The following GLIS1 variants were observed in gnomAD, a reference collection of about 807,000 sequenced individuals.
The protein encoded by GLIS1 is GLIS family zinc finger 1, also known as zinc finger protein GLIS1.
Under a neutral mutation model 63.8 loss-of-function variants are expected in GLIS1, and 24 were observed. The ratio of observed to expected loss-of-function variants is 0.38; its 90% CI spans 0.27 to 0.53. The LOEUF (loss-of-function observed/expected upper bound fraction) is 0.53, where lower values mean the gene tolerates loss of function less well. GLIS1 is among the 20% of genes least tolerant of loss of function. The pLI is 0.85. For synonymous variants in GLIS1, 450 were observed against 482.5 expected, an observed-to-expected ratio of 0.93 and a Z score of 0.88; for missense variants, 1,036 against 1,074.1, an observed-to-expected ratio of 0.96 and a Z score of 0.50.
At chr1:53,579,061 C>CAA (rs55929702) in intron 4 of GLIS1, among the ~76,000 whole-genome samples, 121 of 129,428 alleles carry the variant, frequency 9.3e-4, no homozygotes, top group South Asian at 2.0e-3. Context: ...ATTTAAAATC[C>CAA]AAAAAAAAAA....
intron 2 of GLIS1, among the ~76,000 whole-genome samples, chr1:53,709,113 T>C (rs955429554): frequency 1.3e-5 from 2 of 151,972 alleles, no homozygotes; most frequent in African/African-American, 2.4e-5. Flanking sequence ...TTATTGAGTA[T>C]ATGGATTTGT....
At position 53,514,760 on chromosome 1, in the gene GLIS1, G is replaced by C. The variant is rs371229253; in HGVS notation, c.1748C>G (p.Thr583Ser). 53 of 1,602,878 alleles carry C rather than the reference G, an allele frequency of 3.3e-5. No individual in the cohort carries two copies. Among genetic ancestry groups the C allele is most frequent in the Non-Finnish European group, 4.2e-5 (49 of 1,174,716 alleles). ...LLPGVYPGSI[T>S]PHNGLASGLL... ...GCCCGATGCAAGTCCGTTATGGGGG[G>C]TGATGGAGCCAGGATACACACCTGC... is the stretch of plus-strand genomic sequence containing the variant. The change falls in exon 8 of 11, where the codon ACC becomes AGC. Residue 583 changes from threonine (T) to serine (S), a missense_variant. Physicochemically the swap from Thr to Ser is moderately conservative, Grantham distance 58. Coordinates refer to ENST00000628545, the MANE Select transcript of GLIS1 (RefSeq NM_001367484.1).
intron 10 of GLIS1, among the ~76,000 whole-genome samples, chr1:53,508,112 T>C (rs573252692): frequency 4.4e-4 from 67 of 152,158 alleles, no homozygotes; most frequent in African/African-American, 1.5e-3. Context: ...GGTGACACAA[T>C]GTGCACACAG....
At chr1:53,663,719 C>G (rs1009299674) in intron 2 of GLIS1, among the ~76,000 whole-genome samples, 1 of 152,122 alleles carries the variant, frequency 6.6e-6, no homozygotes, top group Non-Finnish European at 1.5e-5. Context: ...TTCACTGGAG[C>G]CCGGGGAACA....
Position 53,574,849 on chromosome 1 carries a change from C to T in GLIS1, c.1320+19259G>A, listed in dbSNP as rs138691256. ...AGTTTAGTCAAGGTTTGGCCACAGG[C>T]CCGTTGGAGGGAGGATGTCTTCCCT... On this transcript the variant is annotated intron_variant, in intron 4 of 10. Coordinates refer to ENST00000628545, the MANE Select transcript of GLIS1 (RefSeq NM_001367484.1). This position sits in a 1 kb window ranked among gnomAD's most constrained non-coding sequence, Gnocchi z 4.2. Among the ~76,000 whole-genome samples the T allele has an allele frequency of 7.4e-4, 113 of 152,292 alleles. No homozygotes were observed. Among genetic ancestry groups the T allele is most frequent in the African/African-American group, 2.6e-3 (108 of 41,560 alleles).
chr1:53,542,210 G>A (rs1475217103), intron 4 of GLIS1, among the ~76,000 whole-genome samples: 2 of 152,224 alleles, frequency 1.3e-5, no homozygotes, highest in Non-Finnish European at 2.9e-5. Flanking sequence ...TCTGTCAAAG[G>A]GGTCCGTGTG....
intron 4 of GLIS1, among the ~76,000 whole-genome samples, chr1:53,561,942 G>C (rs1644896681): frequency 6.6e-6 from 1 of 152,210 alleles, no homozygotes; most frequent in Non-Finnish European, 1.5e-5. Context: ...CAGAGGTGGT[G>C]AGACAGGCTC....
intron 2 of GLIS1, among the ~76,000 whole-genome samples, chr1:53,622,414 C>A (rs1408661077): frequency 1.6e-5 from 2 of 127,966 alleles, no homozygotes; most frequent in Non-Finnish European, 1.6e-5. Flanking sequence ...GACAACAGAG[C>A]TAGACTATGT....
intron 5 of GLIS1, among the ~76,000 whole-genome samples, chr1:53,528,652 T>A (rs1644496301): frequency 6.6e-6 from 1 of 152,128 alleles, no homozygotes; most frequent in Non-Finnish European, 1.5e-5. Context: ...GGTAAATGGC[T>A]GGCATCAGAG....
chr1:53,508,493 A>G (rs1207235712), intron 10 of GLIS1, among the ~76,000 whole-genome samples: 1 of 152,128 alleles, frequency 6.6e-6, no homozygotes, highest in Non-Finnish European at 1.5e-5. Flanking sequence ...TCTCAGCTGG[A>G]GGAATTCAGG....
At chr1:53,641,818 G>A (rs530758096) in intron 2 of GLIS1, among the ~76,000 whole-genome samples, 5 of 152,232 alleles carry the variant, frequency 3.3e-5, no homozygotes, top group Non-Finnish European at 7.3e-5. Context: ...CATCTGTGCT[G>A]CAAAAGCAAG....
chr1:53,651,816 G>A (rs1327755534), intron 2 of GLIS1, among the ~76,000 whole-genome samples: 1 of 151,204 alleles, frequency 6.6e-6, no homozygotes, highest in East Asian at 1.9e-4. Context: ...TGAGGCTGCA[G>A]TGAGCCATGT....
intron 4 of GLIS1, among the ~76,000 whole-genome samples, chr1:53,577,139 T>C (rs3108390): frequency 0.19 from 27,967 of 144,808 alleles, 3,640 homozygotes; most frequent in African/African-American, 0.37. Context: ...CTCCCCCCCC[T>C]CCATGCTTCT....
At chr1:53,603,519 G>A (rs1328249208) in intron 2 of GLIS1, among the ~76,000 whole-genome samples, 1 of 152,182 alleles carries the variant, frequency 6.6e-6, no homozygotes, top group Non-Finnish European at 1.5e-5. Context: ...TACCCATCAC[G>A]GTCCCATGTC....
At chr1:53,522,309 T>C (rs1644418734) in intron 6 of GLIS1, among the ~76,000 whole-genome samples, 1 of 152,228 alleles carries the variant, frequency 6.6e-6, no homozygotes, top group Admixed American at 6.5e-5. Context: ...TGGATGCTTA[T>C]TGTTGGGAAG....
intron 2 of GLIS1, among the ~76,000 whole-genome samples, chr1:53,607,686 G>A (rs557786041): frequency 2.6e-5 from 4 of 152,324 alleles, no homozygotes; most frequent in East Asian, 1.9e-4. Context: ...ATCATTAAGC[G>A]ATTTAGGGCA....
intron 2 of GLIS1, among the ~76,000 whole-genome samples, chr1:53,672,932 G>T (rs1557514556): frequency 2.6e-5 from 4 of 152,178 alleles, no homozygotes; most frequent in African/African-American, 7.2e-5. Flanking sequence ...TGGCTGCAGG[G>T]CTCAGGCAGC....
intron 2 of GLIS1, among the ~76,000 whole-genome samples, chr1:53,720,033 G>A (rs1401504611): frequency 5.9e-5 from 9 of 152,020 alleles, no homozygotes; most frequent in African/African-American, 1.9e-4. Context: ...AAAATTAGCT[G>A]GGCATGGTGG....
intron 4 of GLIS1, among the ~76,000 whole-genome samples, chr1:53,589,272 G>T (rs1471357001): frequency 6.6e-6 from 1 of 152,242 alleles, no homozygotes; most frequent in African/African-American, 2.4e-5. Flanking sequence ...TGCCCAGCTA[G>T]GAGGTCAAAA....
Sources: gnomAD v4.1 joint callset for allele counts (sites outside exome capture counted in the v4.1 genomes callset) on GRCh38, gnomAD v4.1.1 for gene constraint, Gnocchi (gnomAD v3.1) non-coding constraint, MANE v1.5 for transcripts, NCBI Gene and HGNC (gene_info 2026-07-23, HGNC 2026-07-21) for gene names.